PEX5L: variants seen among roughly 807,000 people sequenced by gnomAD.
PEX5L encodes PEX5-related protein.
In PEX5L, 30 loss-of-function variants were observed where a neutral mutation model predicts 84.0. The ratio of observed to expected loss-of-function variants is 0.36; its 90% CI spans 0.27 to 0.48. The LOEUF is 0.48. Among genes scored for constraint, PEX5L ranks in the 20% least tolerant of loss-of-function variants. PEX5L has a pLI of 0.99. For missense variants in PEX5L, 533 were observed against 754.6 expected (o/e 0.71, Z 3.44); for synonymous variants, 270 against 283.1 (o/e 0.95, Z 0.46).
intron 3 of PEX5L, among the ~76,000 whole-genome samples, chr3:179,895,893 C>G (rs1426575552): frequency 6.6e-6 from 1 of 152,118 alleles, no homozygotes; most frequent in East Asian, 1.9e-4. Flanking sequence ...TGGAATCTAT[C>G]ACATGAGCAT....
intron 2 of PEX5L, among the ~76,000 whole-genome samples, chr3:179,941,450 G>T (rs765323133): frequency 1.3e-5 from 2 of 152,248 alleles, no homozygotes; most frequent in South Asian, 4.1e-4. Context: ...TATAGTAAGC[G>T]TTCAACATTC....
At chr3:179,988,487 C>T (rs4855134) in intron 1 of PEX5L, among the ~76,000 whole-genome samples, 59,812 of 151,594 alleles carry the variant, frequency 0.39, 12,486 homozygotes, top group African/African-American at 0.55. Context: ...TAAAAATATA[C>T]CATTAACCCA....
intron 1 of PEX5L, among the ~76,000 whole-genome samples, chr3:180,021,614 A>C (rs1333224741): frequency 6.6e-6 from 1 of 152,216 alleles, no homozygotes; most frequent in Non-Finnish European, 1.5e-5. Flanking sequence ...TGACTTAGGT[A>C]ATTGAGTGGA....
At chr3:179,871,063 C>CA (rs902574202) in intron 7 of PEX5L, among the ~76,000 whole-genome samples, 10 of 149,464 alleles carry the variant, frequency 6.7e-5, no homozygotes, top group African/African-American at 2.5e-4. Flanking sequence ...GAGAAGAAAA[C>CA]ATCTCCTTGA....
intron 1 of PEX5L, 152 bp downstream of exon 1, chr3:180,036,427 C>T (rs1791912155): frequency 1.3e-6 from 1 of 796,994 alleles, no homozygotes; most frequent in East Asian, 2.5e-5. Flanking sequence ...CTAGTTTTCC[C>T]GGCAGCACCG....
intron 1 of PEX5L, among the ~76,000 whole-genome samples, chr3:179,984,946 G>T (rs1449303973): frequency 2.6e-5 from 4 of 152,342 alleles, no homozygotes; most frequent in Admixed American, 2.6e-4. Context: ...TGTCTATCTA[G>T]AAAGTGCTTG....
intron 3 of PEX5L, among the ~76,000 whole-genome samples, chr3:179,892,428 A>C (rs769974203): frequency 6.6e-6 from 1 of 152,130 alleles, no homozygotes; most frequent in Non-Finnish European, 1.5e-5. Flanking sequence ...GTCCCTCTCC[A>C]ACTGCCAACT....
At chr3:179,925,374 C>A (rs1264013441) in intron 2 of PEX5L, among the ~76,000 whole-genome samples, 1 of 151,942 alleles carries the variant, frequency 6.6e-6, no homozygotes, top group Non-Finnish European at 1.5e-5. Context: ...ATGTGTCCTT[C>A]CAGAGTTTCT....
chr3:180,035,020 A>G (rs915200443), intron 1 of PEX5L, among the ~76,000 whole-genome samples: 2 of 152,154 alleles, frequency 1.3e-5, no homozygotes, highest in African/African-American at 4.8e-5. Flanking sequence ...CATTCACAGT[A>G]ACATATTTTT....
chr3:179,852,026 G>A (rs530801388), intron 8 of PEX5L, among the ~76,000 whole-genome samples: 50 of 152,318 alleles, frequency 3.3e-4, no homozygotes, highest in Non-Finnish European at 6.3e-4. Context: ...GCTGGGGACT[G>A]TGAGGAGTAG....
In PEX5L at chr3:179,879,907, T is replaced by C. The variant is rs773364987; in HGVS notation, c.505+22A>G. 4.6e-6 allele frequency: 7 copies of C among 1,520,894 alleles called. No homozygotes were observed. In the Admixed American group the frequency reaches 6.5e-5, roughly 14 times the overall value. The allele number at this position is 1,520,894 out of a possible 1,614,324, so 94.2% of individuals were successfully genotyped here. A position where few individuals can be genotyped will look rare whatever the true frequency, so the allele number is the denominator to read the frequency against. On this transcript the variant is annotated intron_variant, in intron 5 of 14. Transcript: ENST00000467460. Reference sequence around the variant, plus strand: ...TCAGCAGAGCAAGGTTGAGCATCCATAGCCGCAAGCGATTGCCTTACCTAG... The same window carrying C: ...TCAGCAGAGCAAGGTTGAGCATCCACAGCCGCAAGCGATTGCCTTACCTAG...
At chr3:179,812,177 A>G (rs1375481226) in intron 10 of PEX5L, among the ~76,000 whole-genome samples, 1 of 152,228 alleles carries the variant, frequency 6.6e-6, no homozygotes, top group Non-Finnish European at 1.5e-5. Flanking sequence ...CAAAGGATAA[A>G]TATATAAAAT....
chr3:179,998,115 T>C (rs1354398550), intron 1 of PEX5L, among the ~76,000 whole-genome samples: 1 of 152,224 alleles, frequency 6.6e-6, no homozygotes, highest in Non-Finnish European at 1.5e-5. Context: ...TTCAGGGACC[T>C]TCTACCTCAG....
At chr3:180,034,097 T>G (rs1260548520) in intron 1 of PEX5L, among the ~76,000 whole-genome samples, 2 of 152,216 alleles carry the variant, frequency 1.3e-5, no homozygotes, top group African/African-American at 4.8e-5. Flanking sequence ...ACAGGAGTTT[T>G]AAATTAGACT....
At position 180,009,549 on chromosome 3, in the gene PEX5L, G is replaced by A. The variant is rs371310501; in HGVS notation, c.21+27030C>T. Among the ~76,000 whole-genome samples, 7 of 151,780 alleles carry A rather than the reference G, an allele frequency of 4.6e-5. No homozygotes were observed. The South Asian group carries it at 1.5e-3, about 32-fold the overall frequency. On this transcript the variant is annotated intron_variant, in intron 1 of 14. Coordinates refer to ENST00000467460, the MANE Select transcript of PEX5L (RefSeq NM_016559.3). Reference sequence around the variant, plus strand: ...GCAGAAGTTTGTAGGAACTCAGCATGAGTTACTGAAAAAATTTTTTTCTTT... The same window carrying A: ...GCAGAAGTTTGTAGGAACTCAGCATAAGTTACTGAAAAAATTTTTTTCTTT...
intron 1 of PEX5L, among the ~76,000 whole-genome samples, chr3:179,986,165 A>AATAT (rs761109429): frequency 6.6e-5 from 8 of 122,076 alleles, no homozygotes; most frequent in South Asian, 2.6e-4. Context: ...TGTAATTTAA[A>AATAT]ATATATATAT....
At chr3:180,029,477 T>C (rs1438947954) in intron 1 of PEX5L, among the ~76,000 whole-genome samples, 3 of 152,352 alleles carry the variant, frequency 2.0e-5, no homozygotes, top group South Asian at 4.1e-4. Context: ...GTTGTGCATT[T>C]TTCCAGAAGG....
chr3:179,817,166 A>G (rs757766180), intron 9 of PEX5L, among the ~76,000 whole-genome samples: 3 of 152,208 alleles, frequency 2.0e-5, no homozygotes, highest in Non-Finnish European at 4.4e-5. Context: ...GTTGGGGGCT[A>G]TATTGCCCCT....
chr3:179,863,741 T>C (rs1747086948), intron 7 of PEX5L, among the ~76,000 whole-genome samples: 1 of 152,078 alleles, frequency 6.6e-6, no homozygotes, highest in African/African-American at 2.4e-5. Context: ...AAATACAAAT[T>C]AGTGTAACCA....
Sources: allele counts gnomAD v4.1 joint callset (sites outside exome capture counted in the v4.1 genomes callset), GRCh38; gene constraint gnomAD v4.1.1; transcripts MANE v1.5; gene names NCBI Gene and HGNC (gene_info 2026-07-23, HGNC 2026-07-21).